Variants in UGT1A10 observed in about 807,000 individuals in gnomAD.
The protein encoded by UGT1A10 is UDP-glucuronosyltransferase 1A10.
A neutral mutation model predicts 45.8 loss-of-function variants in UGT1A10; 49 were observed. The observed-to-expected ratio is 1.07, with a 90% CI of 0.85 to 1.36. The LOEUF (loss-of-function observed/expected upper bound fraction) is 1.36. Among genes scored for constraint, UGT1A10 ranks in the 40% most tolerant of loss-of-function variants. The pLI, the probability that UGT1A10 is intolerant of heterozygous loss-of-function variation, is 0.00. For missense variants in UGT1A10, 745 were observed against 668.6 expected (o/e 1.11, Z -1.26); for synonymous variants, 284 against 249.7 (o/e 1.14, Z -1.29).
At chr2:233,754,206 T>C (rs1220915682) in intron 1 of UGT1A10, 1 of 163,280 alleles carries the variant, frequency 6.1e-6, no homozygotes, top group Admixed American at 5.7e-5. Context: ...AACATTGAAG[T>C]CAAATGATTT....
chr2:233,725,053 G>A (rs551262473), intron 1 of UGT1A10, among the ~76,000 whole-genome samples: 1,532 of 147,698 alleles, frequency 0.01, 141 homozygotes, highest in African/African-American at 0.035. Flanking sequence ...CAGGCGTGGC[G>A]GCGCGCGCCT....
chr2:233,693,069 G>A (rs752839678), intron 1 of UGT1A10: 1 of 1,614,148 alleles, frequency 6.2e-7, no homozygotes, highest in Non-Finnish European at 8.5e-7. Flanking sequence ...GCACTTTGGG[G>A]CATGGTTGTA....
chr2:233,731,227 AT>A (rs2078124721), intron 1 of UGT1A10, among the ~76,000 whole-genome samples: 1 of 151,928 alleles, frequency 6.6e-6, no homozygotes, highest in Non-Finnish European at 1.5e-5. Flanking sequence ...ATTTGTAAAA[AT>A]GTTGAAAAGT....
At chr2:233,684,863 G>A (rs1161167563) in intron 1 of UGT1A10, among the ~76,000 whole-genome samples, 1 of 152,146 alleles carries the variant, frequency 6.6e-6, no homozygotes, top group Non-Finnish European at 1.5e-5. Flanking sequence ...TTCCTTTCTT[G>A]TTTCATATGG....
chr2:233,732,012 G>A (rs1045878291), intron 1 of UGT1A10, among the ~76,000 whole-genome samples: 10 of 152,206 alleles, frequency 6.6e-5, no homozygotes, highest in Non-Finnish European at 1.0e-4. Flanking sequence ...TTGTGGTTTT[G>A]ATTTGCATTT....
At chr2:233,716,532 T>G (rs570808128) in intron 1 of UGT1A10, among the ~76,000 whole-genome samples, 3 of 152,316 alleles carry the variant, frequency 2.0e-5, no homozygotes, top group African/African-American at 7.2e-5. Flanking sequence ...TTCAATTATC[T>G]CCTTTCTCTC....
Position 233,772,327 on chromosome 2 carries a change from T to A in UGT1A10, c.1361T>A (p.Leu454Gln), listed in dbSNP as rs527798161. The A allele has an allele frequency of 6.2e-7, 1 of 1,614,262 alleles. No homozygotes were observed. The highest frequency in any genetic ancestry group is 1.3e-5 in the African/African-American group (1 of 75,072). The change falls in exon 5 of 5, where the codon CTG becomes CAG. Residue 454 changes from leucine to glutamine, a missense_variant. Leu to Gln is a moderately radical substitution (Grantham distance 113, BLOSUM62 -2). Transcript: ENST00000344644. ...HKDRPVEPLD[L>Q]AVFWVEFVMR... ...GACCGCCCGGTGGAGCCGCTGGACC[T>A]GGCCGTGTTCTGGGTGGAGTTTGTG...
intron 1 of UGT1A10, among the ~76,000 whole-genome samples, chr2:233,765,617 G>T (rs988431612): frequency 1.3e-5 from 2 of 151,904 alleles, no homozygotes; most frequent in African/African-American, 4.8e-5. Flanking sequence ...GGGGTGAGGG[G>T]TGAGGGGAGG....
At chr2:233,697,063 GT>G (rs1308973178) in intron 1 of UGT1A10, among the ~76,000 whole-genome samples, 1 of 151,994 alleles carries the variant, frequency 6.6e-6, no homozygotes, top group African/African-American at 2.4e-5. Flanking sequence ...TCCTTGTCTG[GT>G]TTTGGTATCA....
At chr2:233,729,001 C>A in intron 1 of UGT1A10, 4 of 1,564,656 alleles carry the variant, frequency 2.6e-6, no homozygotes, top group Non-Finnish European at 3.5e-6. Flanking sequence ...TAGAGGAGGG[C>A]ACTCTGTCTT....
intron 1 of UGT1A10, among the ~76,000 whole-genome samples, chr2:233,664,569 G>C (rs562921620): frequency 1.3e-5 from 2 of 152,316 alleles, no homozygotes; most frequent in East Asian, 3.9e-4. Flanking sequence ...CATGGTAGAA[G>C]ATGAAGCAGG....
chr2:233,666,981 A>T (rs1355766624), intron 1 of UGT1A10, among the ~76,000 whole-genome samples: 2 of 152,186 alleles, frequency 1.3e-5, no homozygotes, highest in Non-Finnish European at 2.9e-5. Flanking sequence ...ACATGAACTC[A>T]TCATTTTTTA....
At chr2:233,639,891 C>T (rs2073404870) in intron 1 of UGT1A10, among the ~76,000 whole-genome samples, 1 of 152,166 alleles carries the variant, frequency 6.6e-6, no homozygotes, top group Non-Finnish European at 1.5e-5. Context: ...TTCAGCAGAA[C>T]ATTGAAATAG....
At chr2:233,748,774 G>A (rs2125894622) in intron 1 of UGT1A10, among the ~76,000 whole-genome samples, 2 of 151,474 alleles carry the variant, frequency 1.3e-5, no homozygotes, top group Middle Eastern at 6.8e-3. Flanking sequence ...AGGTCAATTG[G>A]GTCTTCTACT....
At chr2:233,647,946 C>T in intron 1 of UGT1A10, 2 of 1,606,462 alleles carry the variant, frequency 1.2e-6, no homozygotes, top group Non-Finnish European at 1.7e-6. Flanking sequence ...ATGGGAGCCA[C>T]TGGTTCACCA....
intron 1 of UGT1A10, among the ~76,000 whole-genome samples, chr2:233,646,235 T>C (rs529367829): frequency 6.6e-6 from 1 of 152,196 alleles, no homozygotes; most frequent in Non-Finnish European, 1.5e-5. Flanking sequence ...CCTGGGCCTG[T>C]CACACAAAAC....
chr2:233,729,398 G>T, intron 1 of UGT1A10: 1 of 1,613,654 alleles, frequency 6.2e-7, no homozygotes. Flanking sequence ...GAATTTGATC[G>T]CCATGTGCTG....
rs190506780 is a variant in UGT1A10, at chr2:233,643,274, T to A, written c.855+5897T>A. On this transcript the variant is annotated intron_variant, in intron 1 of 4. Transcript: ENST00000344644. ...CTGGCACTCAAACCACAAGATGCAG[T>A]CCTTCCCATTCTTCCCTCTTATTTG... 4.9e-4 allele frequency among the ~76,000 whole-genome samples: 74 copies of A among 152,246 alleles called. 1 individual carries two copies. In the East Asian group the frequency reaches 0.014, roughly 29 times the overall value.
intron 1 of UGT1A10, among the ~76,000 whole-genome samples, chr2:233,674,519 A>G (rs541391406): frequency 1.1e-4 from 16 of 152,202 alleles, no homozygotes; most frequent in Non-Finnish European, 1.9e-4. Context: ...TGTGCCTCAC[A>G]GCGTCACCCA....
Sources: gnomAD v4.1 joint callset for allele counts (sites outside exome capture counted in the v4.1 genomes callset) on GRCh38, gnomAD v4.1.1 for gene constraint, MANE v1.5 for transcripts, NCBI Gene and HGNC (gene_info 2026-07-23, HGNC 2026-07-21) for gene names.